The following GARS1 variants were observed in gnomAD, a reference collection of about 807,000 sequenced individuals.
The protein encoded by GARS1 is glycine--tRNA ligase.
Under a neutral mutation model 86.4 loss-of-function variants are expected in GARS1, and 46 were observed. The observed-to-expected ratio is 0.53, with a 90% CI of 0.42 to 0.68. The LOEUF is 0.68. Among genes scored for constraint, GARS1 ranks in the 30% least tolerant of loss-of-function variants. GARS1 has a pLI of 0.00. For missense variants in GARS1, 797 were observed against 915.6 expected, an observed-to-expected ratio of 0.87 and a Z score of 1.67; for synonymous variants, 342 against 329.8, an observed-to-expected ratio of 1.04 and a Z score of -0.40.
rs1242186885 is a variant in GARS1 at position 30,628,579 on chromosome 7, T to C, written c.1719T>C (p.Asn573=). ...KTLYVEEVVP[N]VIEPSFGLGR... The stretch of plus-strand genomic sequence containing the variant: ...TTTCAGTGGAAGAAGTTGTTCCGAA[T>C]GTAATTGAACCTTCCTTCGGCCTGG... The change falls in exon 14 of 17, where the codon AAT becomes AAC. Residue 573 remains asparagine (N), a synonymous_variant. Transcript: ENST00000389266. 3.1e-6 allele frequency: 5 copies of C among 1,611,534 alleles called. No individual in the cohort carries two copies. The highest frequency in any genetic ancestry group is 3.4e-6 in the Non-Finnish European group (4 of 1,177,878).
chr7:30,619,424 G>T (rs1407571704), intron 10 of GARS1, among the ~76,000 whole-genome samples: 1 of 152,068 alleles, frequency 6.6e-6, no homozygotes, highest in Non-Finnish European at 1.5e-5. Context: ...TGCAGTTAAT[G>T]CCACACCAAT....
Position 30,609,593 on chromosome 7 carries a change from C to G in GARS1, c.744C>G (p.Asn248Lys), listed in dbSNP as rs1256094322. Residue 248 changes from asparagine to lysine, a missense_variant, in exon 7 of 17, where the codon AAC becomes AAG. By Grantham distance (94) the Asn-to-Lys change is moderately conservative. This residue lies in a region of GARS1 where 598 missense variants were observed against 738.7 expected (regional missense o/e 0.81). Transcript: ENST00000389266. ...CTTTATATGTCTTTTAGCTTGATAA[C>G]TATGGACAGCAAGAACTTGCGGATC... ...EMESVLAQLD[N>K]YGQQELADLF... 6.2e-7 allele frequency: 1 copy of G among 1,612,580 alleles called. No individual in the cohort carries two copies. The highest frequency in any genetic ancestry group is 1.3e-5 in the African/African-American group (1 of 74,856).
chr7:30,628,646 C>T lies in GARS1; in HGVS notation c.1786C>T (p.Arg596Ter). The T allele has an allele frequency of 1.2e-6, 2 of 1,610,534 alleles. No individual in the cohort carries two copies. Among genetic ancestry groups the T allele is most frequent in the Non-Finnish European group, 1.7e-6 (2 of 1,177,018 alleles). The change falls in exon 14 of 17, where the codon CGA (arginine) becomes TGA (stop). Residue 596 changes from arginine (R) to a stop codon, truncating the protein, a stop_gained. Coordinates refer to ENST00000389266, the MANE Select transcript of GARS1 (RefSeq NM_002047.4). LOFTEE classifies it high-confidence loss of function. ...YTVFEHTFHV[R>*]EGDEQRTFFS... ...GGTATTTGAACATACATTCCATGTA[C>T]GAGAAGGAGATGAACAGAGAACAGT...
chr7:30,606,305 C>CTTTTTTTTTTTTTTTTTTTTTTT (rs35302357), intron 6 of GARS1, among the ~76,000 whole-genome samples: 1 of 127,548 alleles, frequency 7.8e-6, no homozygotes, highest in Non-Finnish European at 1.6e-5. Context: ...CATTGTTATT[C>CTTTTTTTTTTTTTTTTTTTTTTT]TTTTTTTTTT....
Position 30,633,921 on chromosome 7 carries a change from T to A in GARS1, c.*61T>A. Reference sequence around the variant, plus strand: ...TAAAAAAAAAAAAAAACTACTCTTATGTCCACTTTACAAAAGAAAACAGCA... The same window carrying A: ...TAAAAAAAAAAAAAAACTACTCTTAAGTCCACTTTACAAAAGAAAACAGCA... On this transcript the variant is annotated 3_prime_UTR_variant, in exon 17 of 17. Transcript: ENST00000389266. 6.4e-7 allele frequency: 1 copy of A among 1,561,598 alleles called. No individual in the cohort carries two copies. The highest frequency in any genetic ancestry group is 1.8e-5 in the Admixed American group (1 of 56,390).
intron 13 of GARS1, 35 bp downstream of exon 13, chr7:30,626,354 G>C: frequency 8.0e-7 from 1 of 1,243,692 alleles, no homozygotes. Flanking sequence ...AAAAGTCACT[G>C]CTCCTTAAAG....
rs1247195645 is a variant in GARS1 at position 30,603,063 on chromosome 7, A to T, written c.599A>T (p.Asp200Val). 6.2e-7 allele frequency: 1 copy of T among 1,613,872 alleles called. No homozygotes were observed. The highest frequency in any genetic ancestry group is 2.2e-5 in the East Asian group (1 of 44,792). The part of the protein sequence containing the change: ...KTSGHVDKFA[D>V]FMVKDVKNGE... ...TCTGGCCATGTAGACAAATTTGCTG[A>T]CTTCATGGTGAAAGACGTAAAAAAT... The change falls in exon 5 of 17, where the codon GAC (aspartate) becomes GTC (valine). Residue 200 changes from aspartate (D) to valine (V), a missense_variant. Coordinates refer to ENST00000389266, the MANE Select transcript of GARS1 (RefSeq NM_002047.4).
At chr7:30,611,695 G>A (rs895028353) in intron 7 of GARS1, among the ~76,000 whole-genome samples, 1 of 152,208 alleles carries the variant, frequency 6.6e-6, no homozygotes, top group African/African-American at 2.4e-5. Flanking sequence ...TGTTGGTCAG[G>A]CTGATCTCGA....
intron 7 of GARS1, among the ~76,000 whole-genome samples, chr7:30,610,878 G>A (rs1039229041): frequency 1.3e-5 from 2 of 152,120 alleles, no homozygotes; most frequent in African/African-American, 4.8e-5. Context: ...AAAATGGGAA[G>A]TATAAAATAG....
In GARS1 at chr7:30,632,821, G is replaced by C. The variant is rs1426630101; in HGVS notation, c.2094+384G>C. Among the ~76,000 whole-genome samples, 1 of 152,196 alleles carries C rather than the reference G, an allele frequency of 6.6e-6. No individual in the cohort carries two copies. Among genetic ancestry groups the C allele is most frequent in the Non-Finnish European group, 1.5e-5 (1 of 68,038 alleles). ...GACGCGTATACATGTGTATGTATAA[G>C]CTTTTCCGTGTTCATATATTCAAAA... On this transcript the variant is annotated intron_variant, in intron 16 of 16. Coordinates refer to ENST00000389266, the MANE Select transcript of GARS1 (RefSeq NM_002047.4). This position sits in a 1 kb window ranked among gnomAD's most constrained non-coding sequence, Gnocchi z 4.1.
At chr7:30,601,836 TGGCTTGATCTC>T (rs1359098689) in intron 4 of GARS1, among the ~76,000 whole-genome samples, 1 of 152,152 alleles carries the variant, frequency 6.6e-6, no homozygotes, top group East Asian at 1.9e-4. Context: ...TGGAATGCAG[TGGCTTGATCTC>T]GGCTCACTGC....
At chr7:30,614,987 C>G (rs972694866) in intron 8 of GARS1, among the ~76,000 whole-genome samples, 1 of 152,116 alleles carries the variant, frequency 6.6e-6, no homozygotes, top group African/African-American at 2.4e-5. Flanking sequence ...TGGAAGCACA[C>G]CAGAAAATGT....
At chr7:30,628,707 A>G in intron 14 of GARS1, 38 bp downstream of exon 14, 1 of 1,395,534 alleles carries the variant, frequency 7.2e-7, no homozygotes, top group African/African-American at 1.4e-5. Flanking sequence ...ATAGTGTCAG[A>G]AAATAAAAAT....
intron 9 of GARS1, among the ~76,000 whole-genome samples, chr7:30,616,760 G>A (rs1480522340): frequency 6.6e-6 from 1 of 152,144 alleles, no homozygotes; most frequent in Non-Finnish European, 1.5e-5. Flanking sequence ...CATTACTTTG[G>A]TTAATTCAGA....
rs186996044 is a variant in GARS1, at chr7:30,596,098, G to C, written c.222+955G>C. 3.3e-5 allele frequency among the ~76,000 whole-genome samples: 5 copies of C among 152,336 alleles called. No individual in the cohort carries two copies. In the East Asian group the frequency reaches 7.7e-4, roughly 23 times the overall value. On this transcript the variant is annotated intron_variant, in intron 1 of 16. Coordinates refer to ENST00000389266, the MANE Select transcript of GARS1 (RefSeq NM_002047.4). ...AGCCAGAGCTTGCAGTAGGACCCCG[G>C]AGATCATGACTTAGTAGTAAACACC...
intron 11 of GARS1, 83 bp downstream of exon 11, chr7:30,621,583 C>A: frequency 1.0e-6 from 1 of 987,072 alleles, no homozygotes; most frequent in South Asian, 1.3e-5. Context: ...TTACCTTGTT[C>A]TATGGATAAA....
At chr7:30,631,608 A>T (rs577233410) in intron 15 of GARS1, 67 bp downstream of exon 15, 5 of 995,678 alleles carry the variant, frequency 5.0e-6, no homozygotes, top group African/African-American at 4.8e-5. Context: ...TAGGAAATGT[A>T]TCATTTATTT....
At chr7:30,619,555 A>G (rs982473194) in intron 10 of GARS1, among the ~76,000 whole-genome samples, 1 of 152,100 alleles carries the variant, frequency 6.6e-6, no homozygotes, top group African/African-American at 2.4e-5. Flanking sequence ...ATAACCACCA[A>G]ACTATATGGT....
intron 7 of GARS1, among the ~76,000 whole-genome samples, chr7:30,611,842 T>A (rs751786053): frequency 2.6e-5 from 4 of 152,192 alleles, no homozygotes; most frequent in Admixed American, 6.5e-5. Context: ...GGGTTTTGAC[T>A]CACTGGTGTA....
Sources: allele counts gnomAD v4.1 joint callset (sites outside exome capture counted in the v4.1 genomes callset), GRCh38; gene constraint gnomAD v4.1.1; regional missense constraint gnomAD v4.1.1; non-coding constraint Gnocchi (gnomAD v3.1); transcripts MANE v1.5; gene names NCBI Gene and HGNC (gene_info 2026-07-23, HGNC 2026-07-21).